PTPRD: variants seen among roughly 807,000 people sequenced by gnomAD.
PTPRD encodes the protein protein tyrosine phosphatase receptor type D, also known as receptor-type tyrosine-protein phosphatase delta.
A neutral mutation model predicts 214.5 loss-of-function variants in PTPRD; 34 were observed. That is an observed-to-expected ratio of 0.16 (90% CI 0.12 to 0.21). The LOEUF (loss-of-function observed/expected upper bound fraction) is 0.21, where lower values mean the gene tolerates loss of function less well. PTPRD is among the 10% of genes least tolerant of loss of function. The pLI is 1.00. For synonymous variants in PTPRD, 1,128 were observed against 845.7 expected, an observed-to-expected ratio of 1.33 and a Z score of -5.79; for missense variants, 2,545 against 2,398.7, an observed-to-expected ratio of 1.06 and a Z score of -1.27.
At chr9:10,469,977 T>C (rs965116997) in intron 2 of PTPRD, among the ~76,000 whole-genome samples, 9 of 151,476 alleles carry the variant, frequency 5.9e-5, no homozygotes, top group East Asian at 1.9e-4. Context: ...AGGTAGTCAA[T>C]AGACTGGTGT....
intron 7 of PTPRD, among the ~76,000 whole-genome samples, chr9:9,636,226 A>G (rs1041214923): frequency 1.3e-5 from 2 of 152,210 alleles, no homozygotes; most frequent in African/African-American, 4.8e-5. Flanking sequence ...CCTCCTCAGG[A>G]AAGTCTTTCC....
At chr9:9,388,171 G>A (rs2140731363) in intron 9 of PTPRD, among the ~76,000 whole-genome samples, 1 of 152,252 alleles carries the variant, frequency 6.6e-6, no homozygotes, top group African/African-American at 2.4e-5. Flanking sequence ...TTCTTCCATT[G>A]ACATGTTCCT....
At chr9:9,323,875 T>C (rs1365702420) in intron 9 of PTPRD, among the ~76,000 whole-genome samples, 1 of 152,172 alleles carries the variant, frequency 6.6e-6, no homozygotes, top group African/African-American at 2.4e-5. Context: ...TGGTGTGTGA[T>C]GTTCCCTGCT....
chr9:9,123,715 C>T (rs1442339948), intron 10 of PTPRD, among the ~76,000 whole-genome samples: 1 of 152,140 alleles, frequency 6.6e-6, no homozygotes, highest in African/African-American at 2.4e-5. Context: ...CTTTACTTTA[C>T]ATCAAATTAT....
intron 9 of PTPRD, among the ~76,000 whole-genome samples, chr9:9,309,324 T>C (rs905395577): frequency 1.3e-5 from 2 of 150,668 alleles, no homozygotes; most frequent in Admixed American, 6.6e-5. Flanking sequence ...AATGGAAACA[T>C]TGCAAACAAA....
At chr9:9,169,250 G>A (rs1490933984) in intron 10 of PTPRD, among the ~76,000 whole-genome samples, 1 of 151,814 alleles carries the variant, frequency 6.6e-6, no homozygotes, top group Admixed American at 6.6e-5. Flanking sequence ...ACCACCACAG[G>A]TAATATATAT....
chr9:8,521,228 C>G (rs764833708), intron 20 of PTPRD, 49 bp downstream of exon 20: 7 of 1,555,634 alleles, frequency 4.5e-6, no homozygotes, highest in Non-Finnish European at 6.1e-6. Flanking sequence ...GCATTAGTCA[C>G]TTGGCTTGAG....
chr9:10,344,046 G>C (rs1398997691), intron 2 of PTPRD, among the ~76,000 whole-genome samples: 2 of 66,260 alleles, frequency 3.0e-5, no homozygotes, highest in East Asian at 5.1e-4. Flanking sequence ...GATCCCATTT[G>C]TCTATTTTGG....
intron 7 of PTPRD, among the ~76,000 whole-genome samples, chr9:9,650,977 TA>T (rs1457349690): frequency 7.2e-5 from 11 of 152,056 alleles, no homozygotes; most frequent in Non-Finnish European, 1.6e-4. Context: ...AGGACATTTA[TA>T]TTAAATTATA....
chr9:10,398,949 T>C (rs1309357910), intron 2 of PTPRD, among the ~76,000 whole-genome samples: 1 of 151,974 alleles, frequency 6.6e-6, no homozygotes, highest in Non-Finnish European at 1.5e-5. Context: ...AAATTGTGCT[T>C]GATTATCTCC....
At chr9:10,209,172 CT>C (rs1247115811) in intron 3 of PTPRD, among the ~76,000 whole-genome samples, 1 of 152,012 alleles carries the variant, frequency 6.6e-6, no homozygotes, top group Non-Finnish European at 1.5e-5. Flanking sequence ...GACAGCACTG[CT>C]TTAAGTATAG....
At chr9:8,858,830 T>G (rs10977324) in intron 11 of PTPRD, among the ~76,000 whole-genome samples, 41 of 67,342 alleles carry the variant, frequency 6.1e-4, no homozygotes, top group African/African-American at 1.4e-3. Context: ...CACACACACA[T>G]ACACACACAC....
intron 7 of PTPRD, among the ~76,000 whole-genome samples, chr9:9,704,306 A>T (rs181213586): frequency 7.9e-5 from 12 of 152,256 alleles, no homozygotes; most frequent in Middle Eastern, 3.4e-3. Flanking sequence ...ACTAAAAAAA[A>T]AATTGTAGCC....
intron 11 of PTPRD, among the ~76,000 whole-genome samples, chr9:8,822,637 T>C (rs555376777): frequency 6.6e-6 from 1 of 152,288 alleles, no homozygotes; most frequent in Non-Finnish European, 1.5e-5. Flanking sequence ...AACAATATTA[T>C]TGAGGACTTA....
rs1567183992 is a variant in PTPRD at position 8,948,519 on chromosome 9, TTATATATATATTTA to T, written c.-104+70164_-104+70177del. 5.5e-4 allele frequency among the ~76,000 whole-genome samples: 7 copies of T among 12,828 alleles called. No homozygotes were observed. In the South Asian group the frequency reaches 0.02, roughly 37 times the overall value. 8.4% of individuals were successfully genotyped at this position (12,828 alleles called of 152,430 possible). A position where few individuals can be genotyped will look rare whatever the true frequency, so the allele number is the denominator to read the frequency against. On this transcript the variant is annotated intron_variant, in intron 11 of 45. Transcript: ENST00000381196. The stretch of plus-strand genomic sequence containing the variant: ...TATATATATATTTATATATATATAT[TTATATATATATTTA>T]TATATATATTTATATATATTTATAT...
chr9:8,933,007 G>C (rs1471237024), intron 11 of PTPRD, among the ~76,000 whole-genome samples: 2 of 152,108 alleles, frequency 1.3e-5, no homozygotes, highest in East Asian at 3.9e-4. Context: ...GTAGGCACCA[G>C]AGAGAATCTC....
chr9:9,287,545 G>A (rs1949901584), intron 9 of PTPRD, among the ~76,000 whole-genome samples: 1 of 151,802 alleles, frequency 6.6e-6, no homozygotes, highest in Non-Finnish European at 1.5e-5. Flanking sequence ...GCAGAATTAT[G>A]TTTATAAATC....
chr9:9,574,098 T>G (rs1396459787), intron 8 of PTPRD, among the ~76,000 whole-genome samples: 2 of 151,910 alleles, frequency 1.3e-5, no homozygotes, highest in African/African-American at 4.8e-5. Flanking sequence ...AAAATTAATT[T>G]CATCAGTTTC....
intron 14 of PTPRD, among the ~76,000 whole-genome samples, chr9:8,582,490 A>AT (rs999928168): frequency 1.3e-5 from 2 of 152,128 alleles, no homozygotes; most frequent in Non-Finnish European, 2.9e-5. Flanking sequence ...CTGTGAAACT[A>AT]TTTTTTTCAA....
Sources: gnomAD v4.1 joint callset for allele counts (sites outside exome capture counted in the v4.1 genomes callset) on GRCh38, gnomAD v4.1.1 for gene constraint, MANE v1.5 for transcripts, NCBI Gene and HGNC (gene_info 2026-07-23, HGNC 2026-07-21) for gene names.